The following NNMT variants were observed in gnomAD, a reference collection of about 807,000 sequenced individuals.
NNMT encodes nicotinamide N-methyltransferase.
In NNMT, 10 loss-of-function variants were observed where a neutral mutation model predicts 11.7. The observed-to-expected ratio is 0.85, with a 90% CI of 0.53 to 1.45. The LOEUF (loss-of-function observed/expected upper bound fraction) is 1.45, where lower values mean the gene tolerates loss of function less well. NNMT is among the 40% of genes most tolerant of loss of function. NNMT has a pLI of 0.00. For missense variants in NNMT, 381 were observed against 319.4 expected (o/e 1.19, Z -1.47); for synonymous variants, 143 against 133.8 (o/e 1.07, Z -0.48).
At chr11:114,264,978 T>C (rs1166833450) in intron 2 of NNMT, among the ~76,000 whole-genome samples, 1 of 152,148 alleles carries the variant, frequency 6.6e-6, no homozygotes, top group Non-Finnish European at 1.5e-5. Context: ...TATGGAAGCT[T>C]CATTATATAG....
At chr11:114,286,560 G>A (rs1591832176) in intron 2 of NNMT, among the ~76,000 whole-genome samples, 1 of 152,284 alleles carries the variant, frequency 6.6e-6, no homozygotes, top group African/African-American at 2.4e-5. Context: ...TTTATAGATT[G>A]AATAAAAAGG....
At chr11:114,289,094 G>A (rs564466629) in intron 2 of NNMT, among the ~76,000 whole-genome samples, 1 of 152,128 alleles carries the variant, frequency 6.6e-6, no homozygotes, top group Non-Finnish European at 1.5e-5. Context: ...ATTCTTTAAT[G>A]GTTATAAGGC....
intron 2 of NNMT, among the ~76,000 whole-genome samples, chr11:114,305,062 C>A (rs1375749760): frequency 6.6e-6 from 1 of 152,196 alleles, no homozygotes; most frequent in Non-Finnish European, 1.5e-5. Context: ...AGTAGTTTGA[C>A]AACACGTGGG....
intron 1 of NNMT, among the ~76,000 whole-genome samples, chr11:114,259,068 A>G (rs1178255089): frequency 1.3e-5 from 2 of 152,206 alleles, no homozygotes; most frequent in Admixed American, 1.3e-4. Flanking sequence ...AACTGTCACC[A>G]TTACCAGACT....
rs541791214 is a variant in NNMT at position 114,266,038 on chromosome 11, A to G, written c.-130+3104A>G. On this transcript the variant is annotated intron_variant, in intron 2 of 4. Coordinates refer to the NNMT transcript ENST00000535401. ...AGCCTTTTCCAGTTTCATTCCTGTAATTTAGGGTCCAGAAGCAGGTAGCTT... is the reference window on the plus strand; with the variant it reads ...AGCCTTTTCCAGTTTCATTCCTGTAGTTTAGGGTCCAGAAGCAGGTAGCTT... 4.9e-4 allele frequency among the ~76,000 whole-genome samples: 74 copies of G among 152,208 alleles called. No homozygotes were observed. The South Asian group carries it at 0.015, about 31-fold the overall frequency.
rs185756067 is a variant in NNMT, at chr11:114,285,610, G to T, written c.-129-10818G>T. ...TTGTTTATTTGTTATTAATTACCAA[G>T]CACATGAAATGCTCCCAAATTACTG... On this transcript the variant is annotated intron_variant, in intron 2 of 4. Coordinates refer to the NNMT transcript ENST00000535401. 2.0e-4 allele frequency among the ~76,000 whole-genome samples: 30 copies of T among 152,312 alleles called. No homozygotes were observed. The East Asian group carries it at 2.9e-3, about 15-fold the overall frequency.
intron 2 of NNMT, among the ~76,000 whole-genome samples, chr11:114,300,285 T>C (rs1349579584): frequency 6.6e-6 from 1 of 152,174 alleles, no homozygotes; most frequent in Non-Finnish European, 1.5e-5. Flanking sequence ...CAGCATATTG[T>C]CTCATTTCCT....
At chr11:114,267,355 G>C (rs762577125) in intron 2 of NNMT, among the ~76,000 whole-genome samples, 1 of 152,034 alleles carries the variant, frequency 6.6e-6, no homozygotes, top group Non-Finnish European at 1.5e-5. Context: ...TTGTTTACTT[G>C]TCATGGTTCA....
At chr11:114,264,347 G>C (rs1192777982) in intron 2 of NNMT, among the ~76,000 whole-genome samples, 1 of 151,932 alleles carries the variant, frequency 6.6e-6, no homozygotes. Flanking sequence ...TTTTATCTCT[G>C]TTATTCCTTT....
Position 114,312,451 on chromosome 11 carries a change from G to C in NNMT, c.769G>C (p.Ala257Pro). The C allele has an allele frequency of 1.2e-6, 2 of 1,613,970 alleles. No individual in the cohort carries two copies. Among genetic ancestry groups the C allele is most frequent in the Non-Finnish European group, 8.5e-7 (1 of 1,179,926 alleles). ...CAACGAAGGACTTTTCTCCCTGGTG[G>C]CGAGGAAGCTGAGCAGACCCCTGTG... ...ANNEGLFSLV[A>P]RKLSRPL Residue 257 changes from alanine to proline, a missense_variant, in exon 3 of 3, where the codon GCG becomes CCG. By Grantham distance (27) the Ala-to-Pro change is conservative (BLOSUM62 -1). Coordinates refer to ENST00000299964, the MANE Select transcript of NNMT (RefSeq NM_006169.3).
intron 2 of NNMT, among the ~76,000 whole-genome samples, chr11:114,276,107 G>GCCCCCCCCCCCCCCCCCCGGGTC (rs35929563): frequency 7.0e-6 from 1 of 142,280 alleles, no homozygotes; most frequent in African/African-American, 2.7e-5. Flanking sequence ...GTTTCAGGCT[G>GCCCCCCCCCCCCCCCCCCGGGTC]CCCCCCCACC....
rs1945381013 is a variant in NNMT at position 114,296,616 on chromosome 11, C to T, written c.60C>T (p.Tyr20=). The T allele has an allele frequency of 6.2e-7, 1 of 1,614,152 alleles. No homozygotes were observed. Among genetic ancestry groups the T allele is most frequent in the Non-Finnish European group, 8.5e-7 (1 of 1,180,040 alleles). The change falls in exon 1 of 3, where the codon TAC becomes TAT. Residue 20 remains tyrosine (Y), a synonymous_variant. Coordinates refer to ENST00000299964, the MANE Select transcript of NNMT (RefSeq NM_006169.3). The stretch of plus-strand genomic sequence containing the variant: ...TAAGCCATTTTAACCCTCGGGATTA[C>T]CTAGAAAAATATTACAAGTTTGGTT... ...TYLSHFNPRD[Y]LEKYYKFGSR...
At chr11:114,295,162 T>C (rs1945363350), upstream of NNMT, among the ~76,000 whole-genome samples, 4 of 152,188 alleles carry the variant, frequency 2.6e-5, no homozygotes, top group African/African-American at 9.7e-5. Flanking sequence ...GTCTGGCCAG[T>C]GGCAACAAGG....
At chr11:114,302,871 A>G (rs1156446496) in intron 2 of NNMT, among the ~76,000 whole-genome samples, 2 of 152,188 alleles carry the variant, frequency 1.3e-5, no homozygotes, top group Non-Finnish European at 2.9e-5. Context: ...AAGGAACCCC[A>G]TAGAGCTCTC....
Position 114,312,751 on chromosome 11 carries a change from C to A in NNMT, c.*274C>A. On this transcript the variant is annotated 3_prime_UTR_variant, in exon 3 of 3. Coordinates refer to ENST00000299964, the MANE Select transcript of NNMT (RefSeq NM_006169.3). Reference sequence around the variant, plus strand: ...CAAAAGAAGACCTCACTTCCCTAAACATCTAGTTATGGCGGCTCAAGCCCG... The same window carrying A: ...CAAAAGAAGACCTCACTTCCCTAAAAATCTAGTTATGGCGGCTCAAGCCCG... The A allele has an allele frequency of 2.3e-6, 1 of 434,928 alleles. No homozygotes were observed. Among genetic ancestry groups the A allele is most frequent in the East Asian group, 3.5e-5 (1 of 28,710 alleles). 26.9% of individuals were successfully genotyped at this position (434,928 alleles called of 1,614,324 possible). A position where few individuals can be genotyped will look rare whatever the true frequency, so the allele number is the denominator to read the frequency against.
chr11:114,281,252 T>C (rs752392661), intron 2 of NNMT, among the ~76,000 whole-genome samples: 1 of 152,136 alleles, frequency 6.6e-6, no homozygotes, highest in African/African-American at 2.4e-5. Context: ...ATCCGTTCAA[T>C]GGCTATTAAG....
chr11:114,299,871 T>C (rs1307814750), intron 2 of NNMT, among the ~76,000 whole-genome samples: 5 of 151,982 alleles, frequency 3.3e-5, no homozygotes, highest in African/African-American at 1.2e-4. Context: ...TCTTTCATTC[T>C]TGATATTGGT....
In NNMT at chr11:114,312,735, A is replaced by T. The variant is rs752324476; in HGVS notation, c.*258A>T. The T allele has an allele frequency of 6.6e-6, 3 of 453,972 alleles. No individual in the cohort carries two copies. Among genetic ancestry groups the T allele is most frequent in the Non-Finnish European group, 7.8e-6 (2 of 255,128 alleles). 28.1% of individuals were successfully genotyped at this position (453,972 alleles called of 1,614,324 possible). A position where few individuals can be genotyped will look rare whatever the true frequency, so the allele number is the denominator to read the frequency against. ...TCATTGCCTGTGCTTACAAAAGAAG[A>T]CCTCACTTCCCTAAACATCTAGTTA... On this transcript the variant is annotated 3_prime_UTR_variant, in exon 3 of 3. Transcript: ENST00000299964.
intron 2 of NNMT, among the ~76,000 whole-genome samples, chr11:114,287,295 C>G (rs1239655385): frequency 2.0e-5 from 3 of 152,060 alleles, no homozygotes; most frequent in East Asian, 3.9e-4. Context: ...GCTTTTGTGT[C>G]TGGTTTAAGA....
Sources: allele counts gnomAD v4.1 joint callset (sites outside exome capture counted in the v4.1 genomes callset), GRCh38; gene constraint gnomAD v4.1.1; transcripts MANE v1.5; gene names NCBI Gene and HGNC (gene_info 2026-07-23, HGNC 2026-07-21).